The following RASL12 variants were observed in gnomAD, a reference collection of about 807,000 sequenced individuals.
RASL12 encodes RAS like family 12, also known as ras-like protein family member 12.
RASL12 carries 16 observed loss-of-function variants against 22.9 expected under a neutral mutation model. The observed-to-expected ratio is 0.70, with a 90% CI of 0.47 to 1.06. RASL12 has a LOEUF of 1.06. Among genes scored for constraint, RASL12 ranks in the 50% least tolerant of loss-of-function variants. The pLI is 0.00. For missense variants in RASL12, 306 were observed against 353.1 expected, an observed-to-expected ratio of 0.87 and a Z score of 1.07; for synonymous variants, 159 against 152.2, an observed-to-expected ratio of 1.04 and a Z score of -0.33.
rs1453802561 is a variant in RASL12, at chr15:65,054,179, T to G, written c.*720A>C. The G allele has an allele frequency of 1.0e-6, 1 of 985,832 alleles. No individual in the cohort carries two copies. The highest frequency in any genetic ancestry group is 1.2e-6 in the Non-Finnish European group (1 of 830,004). The allele number at this position is 985,832 out of a possible 1,614,324, so 61.1% of individuals were successfully genotyped here. A position where few individuals can be genotyped will look rare whatever the true frequency, so the allele number is the denominator to read the frequency against. On this transcript the variant is annotated 3_prime_UTR_variant, in exon 5 of 5. Transcript: ENST00000220062. ...TGCTGAGGTTCTTTGGACAGAGTCC[T>G]TAACAGTGGGAAAACACATGGAGAA...
the RASL12 span, among the ~76,000 whole-genome samples, chr15:65,046,954 T>C: frequency 6.6e-6 from 1 of 152,056 alleles, no homozygotes; most frequent in Admixed American, 6.6e-5. Context: ...CTGTGGACAA[T>C]AGCTTACCTG....
the RASL12 span, among the ~76,000 whole-genome samples, chr15:65,045,794 G>A: frequency 4.6e-3 from 695 of 152,338 alleles, 5 homozygotes; most frequent in African/African-American, 0.016. Flanking sequence ...ATGCAAATAA[G>A]GCATAAAGTT....
Position 65,058,602 on chromosome 15 carries a change from AG to A in RASL12, c.249del (p.Cys84AlafsTer5), listed in dbSNP as rs2086763827. 1.3e-6 allele frequency: 2 copies of A among 1,572,586 alleles called. No individual in the cohort carries two copies. Among genetic ancestry groups the A allele is most frequent in the Non-Finnish European group, 1.7e-6 (2 of 1,152,432 alleles). On this transcript the variant is annotated frameshift_variant, in exon 4 of 5. Coordinates refer to ENST00000220062, the MANE Select transcript of RASL12 (RefSeq NM_016563.4). LOFTEE classifies it high-confidence loss of function. ...TGGGCCCAGTTCAGGTAGCGCTCGC[AG>A]TTCCTGGGGGTGTCCTGGGGTGAAG... Reference protein sequence around the residue: ...MDTADLDTPRNCERYLNWAHA... With the variant: ...MDTADLDTPRXCERYLNWAHA...
intron 3 of RASL12, 92 bp downstream of exon 3, chr15:65,059,253 A>C: frequency 9.3e-7 from 1 of 1,078,270 alleles, no homozygotes; most frequent in Non-Finnish European, 1.4e-6. Context: ...AAGGCATCTA[A>C]ATGCCTATCT....
chr15:65,061,424 G>A (rs2086803165), intron 2 of RASL12, among the ~76,000 whole-genome samples: 2 of 152,242 alleles, frequency 1.3e-5, no homozygotes, highest in South Asian at 4.1e-4. Flanking sequence ...GCTGGAAGAA[G>A]CCTTGGAGCT....
intron 3 of RASL12, 39 bp from the exon 4 acceptor site, chr15:65,058,656 AG>A (rs1207184659): frequency 1.4e-6 from 2 of 1,448,782 alleles, no homozygotes; most frequent in East Asian, 5.0e-5. Flanking sequence ...GGGGCAGAGG[AG>A]GTTGGGGTAA....
chr15:65,076,489 C>T (rs2086970535), intron 1 of RASL12: 4 of 672,354 alleles, frequency 5.9e-6, no homozygotes, highest in South Asian at 1.6e-5. Context: ...TCAGAAAGGA[C>T]AGACTCCAGA....
intron 4 of RASL12, among the ~76,000 whole-genome samples, chr15:65,056,270 G>C (rs78243827): frequency 0.065 from 9,932 of 152,134 alleles, 967 homozygotes; most frequent in African/African-American, 0.22. Context: ...GGCCATGGTG[G>C]GAAAAGTTTC....
At chr15:65,049,851 C>G (rs2086626036), downstream of RASL12, 1 of 510,872 alleles carries the variant, frequency 2.0e-6, no homozygotes, top group Non-Finnish European at 3.4e-6. Flanking sequence ...AGAGGGAGAT[C>G]AAACTCGGGT....
upstream of RASL12, among the ~76,000 whole-genome samples, chr15:65,071,313 C>T (rs758626605): frequency 3.3e-5 from 5 of 152,036 alleles, no homozygotes; most frequent in Non-Finnish European, 7.4e-5. Flanking sequence ...GTAGGGGATG[C>T]GGAGTAGAGA....
chr15:65,061,922 C>T (rs2086811158), intron 2 of RASL12, among the ~76,000 whole-genome samples: 1 of 151,940 alleles, frequency 6.6e-6, no homozygotes, highest in Admixed American at 6.6e-5. Flanking sequence ...TGGTGGCAGG[C>T]ACCTGTAGTA....
At position 65,055,164 on chromosome 15, in the gene RASL12, G is replaced by A; in HGVS notation, c.536C>T (p.Ala179Val). The change falls in exon 5 of 5, where the codon GCA (alanine) becomes GTA (valine). Residue 179 changes from alanine (A) to valine (V), a missense_variant. Coordinates refer to ENST00000220062, the MANE Select transcript of RASL12 (RefSeq NM_016563.4). Reference protein sequence around the residue: ...FEHVQHVFHEAVREARRELEK... With the variant: ...FEHVQHVFHEVVREARRELEK... ...CAGCTCCCGCCGTGCCTCTCGCACT[G>A]CCTCGTGGAAGACATGCTGCACGTG... The A allele has an allele frequency of 1.2e-6, 2 of 1,612,532 alleles. No individual in the cohort carries two copies. Among genetic ancestry groups the A allele is most frequent in the South Asian group, 2.2e-5 (2 of 90,908 alleles).
At chr15:65,049,274 T>C (rs1413872586), downstream of RASL12, 1 of 149,224 alleles carries the variant, frequency 6.7e-6, no homozygotes, top group East Asian at 2.0e-4. Context: ...CCAGAGAGCA[T>C]GGATTCAAGT....
intron 4 of RASL12, among the ~76,000 whole-genome samples, chr15:65,057,603 T>A (rs528421171): frequency 1.3e-5 from 2 of 152,268 alleles, no homozygotes; most frequent in Admixed American, 1.3e-4. Flanking sequence ...GTCTCTGACC[T>A]CCGATTCGAG....
chr15:65,059,424 A>G lies in RASL12; in HGVS notation c.161-6T>C. ...CTCGGAGCTGTAGGTGTCCTCTACA[A>G]CACAGATGGTTAGCCAGGTCAGACA... On this transcript the variant is annotated splice_polypyrimidine_tract_variant and splice_region_variant and intron_variant, in intron 2 of 4. Transcript: ENST00000220062. The G allele has an allele frequency of 6.2e-7, 1 of 1,612,532 alleles. No individual in the cohort carries two copies. The highest frequency in any genetic ancestry group is 1.7e-5 in the Admixed American group (1 of 60,022).
downstream of RASL12, among the ~76,000 whole-genome samples, chr15:65,050,833 C>CTTTTTTTTTTTTTTTTTT (rs67418433): frequency 1.6e-4 from 14 of 88,598 alleles, no homozygotes; most frequent in African/African-American, 2.3e-4. Flanking sequence ...TCTTCTTCTT[C>CTTTTTTTTTTTTTTTTTT]TTCTTTTTTT....
At chr15:65,073,597 G>T (rs984096695) in intron 1 of RASL12, among the ~76,000 whole-genome samples, 1 of 152,224 alleles carries the variant, frequency 6.6e-6, no homozygotes, top group Non-Finnish European at 1.5e-5. Flanking sequence ...TGGCTGCGCG[G>T]CCTGGTTCCT....
In RASL12 at chr15:65,067,857, G is replaced by T; in HGVS notation, c.-22C>A. On this transcript the variant is annotated 5_prime_UTR_variant, in exon 1 of 5. Coordinates refer to ENST00000220062, the MANE Select transcript of RASL12 (RefSeq NM_016563.4). ...ACATGGCGACGCCCTGGACGGCCACGCAGGTCTGCGGCCGGTGGGCCCCGC... is the reference window on the plus strand; with the variant it reads ...ACATGGCGACGCCCTGGACGGCCACTCAGGTCTGCGGCCGGTGGGCCCCGC... The T allele has an allele frequency of 1.4e-6, 2 of 1,476,072 alleles. No individual in the cohort carries two copies. Among genetic ancestry groups the T allele is most frequent in the South Asian group, 1.4e-5 (1 of 72,838 alleles). The allele number at this position is 1,476,072 out of a possible 1,614,324, so 91.4% of individuals were successfully genotyped here.
At position 65,055,092 on chromosome 15, in the gene RASL12, G is replaced by A. The variant is rs1353323330; in HGVS notation, c.608C>T (p.Ala203Val). 1.2e-6 allele frequency: 2 copies of A among 1,611,706 alleles called. No individual in the cohort carries two copies. Among genetic ancestry groups the A allele is most frequent in the Non-Finnish European group, 1.7e-6 (2 of 1,179,170 alleles). The change falls in exon 5 of 5, where the codon GCC (alanine) becomes GTC (valine). Residue 203 changes from alanine (A) to valine (V), a missense_variant. Physicochemically the swap from Ala to Val is moderately conservative, Grantham distance 64. Transcript: ENST00000220062. ...TRPLFISEER[A>V]LPHQAPLTAR... is the part of the protein sequence containing the mutation. ...GGTGAGCGGGGCCTGGTGGGGCAGG[G>A]CCCTCTCCTCGGAGATGAAGAGGGG...
Sources: gnomAD v4.1 joint callset for allele counts (sites outside exome capture counted in the v4.1 genomes callset) on GRCh38, gnomAD v4.1.1 for gene constraint, MANE v1.5 for transcripts, NCBI Gene and HGNC (gene_info 2026-07-23, HGNC 2026-07-21) for gene names.